Variants in FNBP1 observed in about 807,000 individuals in gnomAD.
FNBP1 encodes the protein formin-binding protein 1.
A neutral mutation model predicts 90.6 loss-of-function variants in FNBP1; 26 were observed. The ratio of observed to expected loss-of-function variants is 0.29; its 90% CI spans 0.21 to 0.40. FNBP1 has a LOEUF of 0.40. Ranked by LOEUF, FNBP1 falls within the 10% of genes least tolerant of loss-of-function variation. The pLI is 1.00. For missense variants in FNBP1, 635 were observed against 768.0 expected (o/e 0.83, Z 2.05); for synonymous variants, 260 against 265.2 (o/e 0.98, Z 0.19).
At chr9:129,902,260 T>C (rs1043247057) in intron 13 of FNBP1, among the ~76,000 whole-genome samples, 20 of 152,120 alleles carry the variant, frequency 1.3e-4, no homozygotes, top group Admixed American at 3.3e-4. Context: ...CTCCCAATTT[T>C]ATTACCATGA....
At chr9:129,920,795 C>CA (rs1332778883) in intron 10 of FNBP1, among the ~76,000 whole-genome samples, 1 of 151,766 alleles carries the variant, frequency 6.6e-6, no homozygotes, top group Non-Finnish European at 1.5e-5. Context: ...CATGAGAGTC[C>CA]AAAAAAATAC....
At chr9:129,981,661 T>C (rs2051286049) in intron 2 of FNBP1, among the ~76,000 whole-genome samples, 1 of 151,936 alleles carries the variant, frequency 6.6e-6, no homozygotes, top group Non-Finnish European at 1.5e-5. Flanking sequence ...ACAAAGGGCA[T>C]TGCTCTGGGA....
intron 7 of FNBP1, 131 bp downstream of exon 7, chr9:129,929,430 AAAAAAT>A: frequency 1.2e-6 from 1 of 824,352 alleles, no homozygotes; most frequent in Non-Finnish European, 1.8e-6. Flanking sequence ...AAAAAAAAAA[AAAAAAT>A]TAGTGGAAAT....
upstream of FNBP1, among the ~76,000 whole-genome samples, chr9:130,047,137 T>G (rs909704984): frequency 1.3e-5 from 2 of 152,052 alleles, no homozygotes; most frequent in African/African-American, 4.8e-5. Context: ...GGGCCGTGAT[T>G]GCACCATTAG....
At chr9:129,940,126 G>A (rs985502006) in intron 6 of FNBP1, among the ~76,000 whole-genome samples, 7 of 152,036 alleles carry the variant, frequency 4.6e-5, no homozygotes, top group Non-Finnish European at 5.9e-5. Context: ...ACTTGAGCCC[G>A]GGAGTTCGAG....
chr9:129,973,003 T>A (rs2049726414), intron 4 of FNBP1, among the ~76,000 whole-genome samples: 1 of 152,236 alleles, frequency 6.6e-6, no homozygotes, highest in Non-Finnish European at 1.5e-5. Flanking sequence ...AAGGTGGCTA[T>A]AATCAGCCTC....
rs542424782 is a variant in FNBP1, at chr9:129,888,747, G to A, written c.*1792C>T. The A allele has an allele frequency of 3.9e-5, 9 of 233,300 alleles. No individual in the cohort carries two copies. Among genetic ancestry groups the A allele is most frequent in the Middle Eastern group, 1.3e-3 (1 of 788 alleles). The allele number at this position is 233,300 out of a possible 1,614,324, so 14.5% of individuals were successfully genotyped here. On this transcript the variant is annotated 3_prime_UTR_variant, in exon 17 of 17. Coordinates refer to ENST00000446176, the MANE Select transcript of FNBP1 (RefSeq NM_015033.3). ...CCCCGAGGGCTGACTGAGCTGCTCC[G>A]GAAGGGTGGTGTGTGGTCAACCTTG...
intron 4 of FNBP1, among the ~76,000 whole-genome samples, chr9:129,975,177 C>T (rs950920134): frequency 3.3e-5 from 5 of 152,298 alleles, no homozygotes; most frequent in South Asian, 2.1e-4. Flanking sequence ...CGAGTTTGTG[C>T]AACTGCACTC....
intron 6 of FNBP1, among the ~76,000 whole-genome samples, chr9:129,942,398 C>A (rs777914694): frequency 2.6e-5 from 4 of 152,162 alleles, no homozygotes; most frequent in Non-Finnish European, 5.9e-5. Flanking sequence ...GCCTCCTAGG[C>A]CAGTACAACC....
chr9:129,911,658 C>T (rs112735701), intron 11 of FNBP1, among the ~76,000 whole-genome samples: 5,154 of 152,186 alleles, frequency 0.034, 160 homozygotes, highest in African/African-American at 0.076. Flanking sequence ...GGTGGCCAGG[C>T]GCAGTGGCTC....
intron 4 of FNBP1, among the ~76,000 whole-genome samples, chr9:129,960,147 G>A (rs976138811): frequency 1.3e-5 from 2 of 151,956 alleles, no homozygotes; most frequent in Non-Finnish European, 2.9e-5. Flanking sequence ...GGGAGGCAGA[G>A]GTGGGCGGAT....
chr9:129,937,178 G>GA (rs34188154), intron 6 of FNBP1, among the ~76,000 whole-genome samples: 146,320 of 151,554 alleles, frequency 0.97, 70,671 homozygotes, highest in East Asian at 1. Context: ...TCAAGGGGGG[G>GA]AAAAAAATAA....
At chr9:130,040,124 G>A (rs183346888) in intron 1 of FNBP1, among the ~76,000 whole-genome samples, 24 of 152,120 alleles carry the variant, frequency 1.6e-4, no homozygotes, top group Admixed American at 7.2e-4. Context: ...TCTGACCACC[G>A]GAGAAACTGG....
At chr9:129,995,226 A>C (rs561437812) in intron 1 of FNBP1, among the ~76,000 whole-genome samples, 2 of 152,258 alleles carry the variant, frequency 1.3e-5, no homozygotes, top group East Asian at 3.9e-4. Flanking sequence ...CTGATGTCTC[A>C]GTGCAAGGAA....
intron 1 of FNBP1, among the ~76,000 whole-genome samples, chr9:130,022,865 CAG>C (rs1262381476): frequency 9.9e-5 from 15 of 152,182 alleles, no homozygotes; most frequent in Admixed American, 5.2e-4. Flanking sequence ...TTGATAGAGA[CAG>C]GGGTTGGCCG....
chr9:129,931,274 G>C (rs771851269), intron 6 of FNBP1, among the ~76,000 whole-genome samples: 6 of 151,974 alleles, frequency 3.9e-5, no homozygotes, highest in African/African-American at 1.2e-4. Context: ...TCCAGCCTGC[G>C]CAACAGAACG....
At chr9:129,947,544 GTAGA>G (rs2045511894) in intron 6 of FNBP1, among the ~76,000 whole-genome samples, 1 of 152,112 alleles carries the variant, frequency 6.6e-6, no homozygotes, top group African/African-American at 2.4e-5. Flanking sequence ...TACCTTGCCA[GTAGA>G]TAGTCAGTGA....
chr9:129,929,703 C>A lies in FNBP1; in HGVS notation c.514-8G>T, dbSNP rs1247945285. The A allele has an allele frequency of 3.7e-6, 6 of 1,613,276 alleles. No individual in the cohort carries two copies. The highest frequency in any genetic ancestry group is 1.1e-5 in the South Asian group (1 of 90,996). ...TTGAGCTTGTTGTCGGGCCTTAGGG[C>A]AAAAACAAGAATACTCCTACGTTTA... On this transcript the variant is annotated splice_region_variant and splice_polypyrimidine_tract_variant and intron_variant, in intron 6 of 16. Coordinates refer to ENST00000446176, the MANE Select transcript of FNBP1 (RefSeq NM_015033.3).
At chr9:129,942,071 A>T (rs1414094069) in intron 6 of FNBP1, among the ~76,000 whole-genome samples, 2 of 148,038 alleles carry the variant, frequency 1.4e-5, no homozygotes, top group Non-Finnish European at 3.0e-5. Context: ...TCTGTCTCCA[A>T]AAAAAAAAAA....
Sources: gnomAD v4.1 joint callset for allele counts (sites outside exome capture counted in the v4.1 genomes callset) on GRCh38, gnomAD v4.1.1 for gene constraint, MANE v1.5 for transcripts, NCBI Gene and HGNC (gene_info 2026-07-23, HGNC 2026-07-21) for gene names.